CPNE8: variants seen among roughly 807,000 people sequenced by gnomAD.
The protein encoded by CPNE8 is copine-8.
In CPNE8, 45 loss-of-function variants were observed where a neutral mutation model predicts 81.5. That is an observed-to-expected ratio of 0.55 (90% CI 0.44 to 0.71). The LOEUF (loss-of-function observed/expected upper bound fraction) is 0.71, where lower values mean the gene tolerates loss of function less well. Among genes scored for constraint, CPNE8 ranks in the 30% least tolerant of loss-of-function variants. The pLI is 0.00. For synonymous variants in CPNE8, 252 were observed against 226.3 expected, an observed-to-expected ratio of 1.11 and a Z score of -1.02; for missense variants, 594 against 672.1, an observed-to-expected ratio of 0.88 and a Z score of 1.28.
intron 3 of CPNE8, among the ~76,000 whole-genome samples, chr12:38,861,450 C>A (rs1004624195): frequency 6.6e-6 from 1 of 151,924 alleles, no homozygotes; most frequent in East Asian, 1.9e-4. Context: ...CTTTCAAACA[C>A]AAAAACAAAT....
At chr12:38,896,279 A>G (rs1944387935) in intron 1 of CPNE8, among the ~76,000 whole-genome samples, 1 of 152,124 alleles carries the variant, frequency 6.6e-6, no homozygotes, top group South Asian at 2.1e-4. Flanking sequence ...TCTTCACAGA[A>G]TAAACCTGAC....
chr12:38,741,823 CA>C (rs1941113385), intron 10 of CPNE8, among the ~76,000 whole-genome samples: 1 of 44,528 alleles, frequency 2.2e-5, no homozygotes. Flanking sequence ...AACAAATTTG[CA>C]AGAAAAAAAA....
intron 14 of CPNE8, among the ~76,000 whole-genome samples, chr12:38,698,683 CT>C (rs1442794668): frequency 6.6e-6 from 1 of 152,112 alleles, no homozygotes; most frequent in East Asian, 1.9e-4. Context: ...TTTTGGTATT[CT>C]TCTTGAAATC....
At chr12:38,736,594 A>G (rs1224258884) in intron 10 of CPNE8, among the ~76,000 whole-genome samples, 2 of 152,010 alleles carry the variant, frequency 1.3e-5, no homozygotes, top group African/African-American at 2.4e-5. Context: ...ATGTGTATCT[A>G]TTAGACATAA....
At chr12:38,809,183 G>T (rs997515869) in intron 6 of CPNE8, among the ~76,000 whole-genome samples, 1 of 152,214 alleles carries the variant, frequency 6.6e-6, no homozygotes, top group African/African-American at 2.4e-5. Flanking sequence ...CAGAAGTTGA[G>T]CGAGCTCAGC....
intron 6 of CPNE8, among the ~76,000 whole-genome samples, chr12:38,805,672 AAC>A (rs1491016442): frequency 1.1e-4 from 4 of 37,696 alleles, no homozygotes; most frequent in South Asian, 8.9e-4. Context: ...AAAAAAAAAA[AAC>A]ATTAAAAAAA....
At chr12:38,839,812 T>A in intron 5 of CPNE8, 104 bp downstream of exon 5, 1 of 1,041,372 alleles carries the variant, frequency 9.6e-7, no homozygotes, top group Non-Finnish European at 1.3e-6. Flanking sequence ...GACAATCACG[T>A]TACATGAATA....
chr12:38,707,768 G>A (rs1207146521), intron 13 of CPNE8, among the ~76,000 whole-genome samples: 3 of 152,160 alleles, frequency 2.0e-5, no homozygotes, highest in Admixed American at 2.0e-4. Context: ...CAGCTCAGAA[G>A]GAAAATATTA....
intron 4 of CPNE8, among the ~76,000 whole-genome samples, chr12:38,841,783 T>A (rs1943471289): frequency 6.6e-6 from 1 of 152,160 alleles, no homozygotes; most frequent in Non-Finnish European, 1.5e-5. Context: ...ATGATAAAAC[T>A]TAAAATATTT....
At chr12:38,689,391 TGCCTGCA>T (rs1346364349) in intron 15 of CPNE8, among the ~76,000 whole-genome samples, 6 of 152,214 alleles carry the variant, frequency 3.9e-5, no homozygotes, top group Non-Finnish European at 8.8e-5. Context: ...TCTCTGTTGC[TGCCTGCA>T]GCCTGTGACA....
At chr12:38,839,999 C>A (rs373374957) in intron 4 of CPNE8, 44 bp from the exon 5 acceptor site, 4 of 1,511,354 alleles carry the variant, frequency 2.6e-6, no homozygotes, top group South Asian at 2.5e-5. Context: ...CCACAAAATA[C>A]AGCTAGAAAA....
At chr12:38,808,191 G>A (rs1000031331) in intron 6 of CPNE8, among the ~76,000 whole-genome samples, 22 of 152,282 alleles carry the variant, frequency 1.4e-4, no homozygotes, top group South Asian at 4.2e-4. Flanking sequence ...GGAAGTCAGC[G>A]TGGCTATTCC....
At chr12:38,817,919 G>A (rs564569625) in intron 6 of CPNE8, among the ~76,000 whole-genome samples, 1 of 152,190 alleles carries the variant, frequency 6.6e-6, no homozygotes, top group Admixed American at 6.5e-5. Flanking sequence ...CACTGCGCCT[G>A]GCCAATTTAT....
In CPNE8 at chr12:38,816,016, C is replaced by A. The variant is rs555356694; in HGVS notation, c.407+13363G>T. Among the ~76,000 whole-genome samples the A allele has an allele frequency of 2.4e-3, 358 of 152,182 alleles. 2 individuals carry two copies. The highest frequency in any genetic ancestry group is 8.1e-3 in the African/African-American group (335 of 41,532). The stretch of plus-strand genomic sequence containing the variant: ...ATTGTTGTGCTCTGATAACTTAGGT[C>A]TATCTATCTATCCATCTACAGAAAT... On this transcript the variant is annotated intron_variant, in intron 6 of 19. Coordinates refer to ENST00000331366, the MANE Select transcript of CPNE8 (RefSeq NM_153634.3).
intron 10 of CPNE8, among the ~76,000 whole-genome samples, chr12:38,742,415 A>G (rs992738302): frequency 8.5e-5 from 13 of 152,100 alleles, no homozygotes; most frequent in Non-Finnish European, 1.8e-4. Flanking sequence ...CATTCTCAGC[A>G]AACTATCGTA....
intron 1 of CPNE8, among the ~76,000 whole-genome samples, chr12:38,889,792 T>C (rs570158864): frequency 6.6e-6 from 1 of 152,194 alleles, no homozygotes; most frequent in East Asian, 1.9e-4. Flanking sequence ...TGGTCAGCCA[T>C]GTTAAAGAGA....
Position 38,794,827 on chromosome 12 carries a change from G to A in CPNE8, c.408-18526C>T, listed in dbSNP as rs139758284. Among the ~76,000 whole-genome samples, 593 of 152,278 alleles carry A rather than the reference G, an allele frequency of 3.9e-3. 3 individuals are homozygous for A. The highest frequency in any genetic ancestry group is 0.013 in the African/African-American group (550 of 41,556). The stretch of plus-strand genomic sequence containing the variant: ...AATACAAAGTATTGTTGCTGGGAGT[G>A]TCTGTGAGGGTGTTGCCAAAGGAGA... On this transcript the variant is annotated intron_variant, in intron 6 of 19. Coordinates refer to ENST00000331366, the MANE Select transcript of CPNE8 (RefSeq NM_153634.3).
intron 6 of CPNE8, among the ~76,000 whole-genome samples, chr12:38,807,105 C>T (rs937800783): frequency 1.6e-4 from 24 of 152,070 alleles, no homozygotes; most frequent in Non-Finnish European, 2.9e-4. Flanking sequence ...TAAAAGAGGA[C>T]ACAAACAAAT....
chr12:38,725,947 T>TG (rs1393457433), intron 11 of CPNE8, among the ~76,000 whole-genome samples: 2 of 152,050 alleles, frequency 1.3e-5, no homozygotes, highest in African/African-American at 4.8e-5. Context: ...TCCCCACAGA[T>TG]GGGGGTGGGG....
Sources: gnomAD v4.1 joint callset for allele counts (sites outside exome capture counted in the v4.1 genomes callset) on GRCh38, gnomAD v4.1.1 for gene constraint, MANE v1.5 for transcripts, NCBI Gene and HGNC (gene_info 2026-07-23, HGNC 2026-07-21) for gene names.